Variants in CCDC160 observed in about 807,000 individuals in gnomAD.
CCDC160 encodes coiled-coil domain containing 160, also known as coiled-coil domain-containing protein 160.
For synonymous variants in CCDC160, 94 were observed against 79.4 expected, an observed-to-expected ratio of 1.18 and a Z score of -0.98; for missense variants, 227 against 215.6, an observed-to-expected ratio of 1.05 and a Z score of -0.33.
intron 1 of CCDC160, among the ~76,000 whole-genome samples, chrX:134,241,707 C>T (rs1414028876): frequency 1.8e-5 from 2 of 111,949 alleles, no homozygotes; most frequent in Admixed American, 9.5e-5. Flanking sequence ...GCCTCCTTCC[C>T]CTACCCTTCT....
chrX:134,240,664 C>CTATTTTT (rs2077024528), intron 1 of CCDC160, among the ~76,000 whole-genome samples: 1 of 27,165 alleles, frequency 3.7e-5, no homozygotes, highest in African/African-American at 1.6e-4. Flanking sequence ...AAACCAAATT[C>CTATTTTT]TTTTTTTTTT....
downstream of CCDC160, among the ~76,000 whole-genome samples, chrX:134,246,537 G>A (rs2077043743): frequency 9.0e-6 from 1 of 111,626 alleles, no homozygotes; most frequent in Non-Finnish European, 1.9e-5. Context: ...GGAAAATTTC[G>A]AAGCTTCCTC....
rs112377421 is a variant in CCDC160, at chrX:134,238,494, G to C, written c.-25+1151G>C. 1.2e-3 allele frequency among the ~76,000 whole-genome samples: 122 copies of C among 103,422 alleles called. 1 individual carries two copies. The highest frequency in any genetic ancestry group is 4.2e-3 in the African/African-American group (118 of 28,232). The allele number at this position is 103,422 out of a possible 115,157, so 89.8% of individuals were successfully genotyped here. A position where few individuals can be genotyped will look rare whatever the true frequency, so the allele number is the denominator to read the frequency against. On this transcript the variant is annotated intron_variant, in intron 1 of 1. Transcript: ENST00000370809. ...TTCAAGCGATTCTCCTGCCTCAGCC[G>C]CCTGAGTAGCTGGGATTACAGGCGC...
intron 1 of CCDC160, among the ~76,000 whole-genome samples, chrX:134,242,564 A>T (rs12863725): frequency 0.19 from 20,438 of 105,472 alleles, 1,784 homozygotes; most frequent in Non-Finnish European, 0.23. Context: ...AAAATTAAAA[A>T]GTGTGTGTGT....
At chrX:134,237,532 A>G (rs1335638342) in intron 1 of CCDC160, among the ~76,000 whole-genome samples, 189 bp downstream of exon 1, 2 of 111,617 alleles carry the variant, frequency 1.8e-5, no homozygotes, top group African/African-American at 3.3e-5. Flanking sequence ...AAGGACCAGG[A>G]CGTGGGAGTG....
chrX:134,238,886 G>C (rs185944042), intron 1 of CCDC160, 46 bp downstream of exon 2: 6 of 111,298 alleles, frequency 5.4e-5, no homozygotes, highest in Admixed American at 1.9e-4. Flanking sequence ...GTGTTTAGAA[G>C]CACAGAGCCT....
At chrX:134,243,479 A>G (rs1375485125) in intron 1 of CCDC160, 1 of 282,501 alleles carries the variant, frequency 3.5e-6, no homozygotes, top group Non-Finnish European at 4.8e-6. Context: ...TTTAAAAATA[A>G]ACTACTGTTT....
chrX:134,245,328 G>A, exon 2 of CCDC160: 1 of 1,187,817 alleles, frequency 8.4e-7, no homozygotes, highest in Non-Finnish European at 1.1e-6. Flanking sequence ...AAGAACTTTT[G>A]CACTACAAAA....
At chrX:134,244,751 C>G (rs1175933040) in intron 1 of CCDC160, 26 bp from the exon 3 acceptor site, 1 of 1,113,294 alleles carries the variant, frequency 9.0e-7, no homozygotes, top group Non-Finnish European at 1.2e-6. Context: ...AATGTGCCTG[C>G]CTTGGTTTTA....
chrX:134,237,787 AG>A (rs1367427199), intron 1 of CCDC160, among the ~76,000 whole-genome samples: 1 of 112,171 alleles, frequency 8.9e-6, no homozygotes, highest in Non-Finnish European at 1.9e-5. Context: ...ATACTAATAA[AG>A]TCTCAGCCTT....
At chrX:134,243,017 C>T (rs767748090) in intron 1 of CCDC160, among the ~76,000 whole-genome samples, 3 of 111,695 alleles carry the variant, frequency 2.7e-5, no homozygotes, top group South Asian at 7.6e-4. Context: ...GATTTGCATT[C>T]ATATTTCTAG....
At chrX:134,237,486 A>G (rs2077013509) in intron 1 of CCDC160, 143 bp downstream of exon 1, 1 of 112,266 alleles carries the variant, frequency 8.9e-6, no homozygotes. Context: ...CTGTCCTTAG[A>G]GCCCCAGGCC....
chrX:134,244,314 C>G (rs1029184245), intron 1 of CCDC160, among the ~76,000 whole-genome samples: 2 of 111,937 alleles, frequency 1.8e-5, no homozygotes, highest in Non-Finnish European at 3.8e-5. Flanking sequence ...TCATTAAGCC[C>G]TGATGTTTTA....
At position 134,240,664 on chromosome X, in the gene CCDC160, C is replaced by CTTTT. The variant is rs3045487; in HGVS notation, c.-25+3353_-25+3356dup. 5.1e-3 allele frequency among the ~76,000 whole-genome samples: 139 copies of CTTTT among 27,165 alleles called. 23 individuals carry two copies. Among genetic ancestry groups the CTTTT allele is most frequent in the East Asian group, 0.012 (6 of 502 alleles). 23.6% of individuals were successfully genotyped at this position (27,165 alleles called of 115,157 possible). On this transcript the variant is annotated intron_variant, in intron 1 of 1. Transcript: ENST00000370809. ...GGTCCTGAAAATTTGAAACCAAATT[C>CTTTT]TTTTTTTTTTTTTTTTTTTTTTTTT...
chrX:134,241,451 G>A (rs375334667), intron 1 of CCDC160, among the ~76,000 whole-genome samples: 102 of 111,535 alleles, frequency 9.1e-4, no homozygotes, highest in African/African-American at 3.1e-3. Context: ...AGTCACCTGA[G>A]GATAAATGAT....
chrX:134,240,665 T>TA (rs1491139100), intron 1 of CCDC160, among the ~76,000 whole-genome samples: 4 of 8,318 alleles, frequency 4.8e-4, no homozygotes, highest in African/African-American at 2.6e-3. Flanking sequence ...AACCAAATTC[T>TA]TTTTTTTTTT....
chrX:134,238,367 C>CTTTT (rs1161935568), intron 1 of CCDC160, among the ~76,000 whole-genome samples: 26 of 75,491 alleles, frequency 3.4e-4, no homozygotes, highest in Non-Finnish European at 4.1e-4. Flanking sequence ...TATCACTTGT[C>CTTTT]TTTTTTTTTT....
At chrX:134,241,380 T>G (rs938955181) in intron 1 of CCDC160, among the ~76,000 whole-genome samples, 1 of 111,554 alleles carries the variant, frequency 9.0e-6, no homozygotes, top group Admixed American at 9.6e-5. Flanking sequence ...ACCACTTTCA[T>G]GAGACAAGAG....
exon 1 of CCDC160, chrX:134,237,182 A>C (rs1246911019): frequency 8.8e-6 from 1 of 113,505 alleles, no homozygotes; most frequent in Admixed American, 9.2e-5. Flanking sequence ...GTTGCTAGGC[A>C]ACCGCGCGGC....
Sources: gnomAD v4.1 joint callset for allele counts (sites outside exome capture counted in the v4.1 genomes callset) on GRCh38, gnomAD v4.1.1 for gene constraint, MANE v1.5 for transcripts, NCBI Gene and HGNC (gene_info 2026-07-23, HGNC 2026-07-21) for gene names.